CLYBL: variants seen among roughly 807,000 people sequenced by gnomAD.
The protein encoded by CLYBL is citramalyl-CoA lyase, also known as citramalyl-CoA lyase, mitochondrial.
A neutral mutation model predicts 38.9 loss-of-function variants in CLYBL; 31 were observed. That is an observed-to-expected ratio of 0.80 (90% confidence interval 0.60 to 1.08). The LOEUF (loss-of-function observed/expected upper bound fraction) is 1.08, where lower values mean the gene tolerates loss of function less well. Among genes scored for constraint, CLYBL ranks in the 50% least tolerant of loss-of-function variants. The probability of loss-of-function intolerance (pLI) is 0.00; values close to 1 mark genes in which losing one functional copy is unlikely to be tolerated. For synonymous variants in CLYBL, 171 were observed against 158.6 expected (o/e 1.08, Z -0.59); for missense variants, 434 against 411.6 (o/e 1.05, Z -0.47).
intron 2 of CLYBL, among the ~76,000 whole-genome samples, chr13:99,784,172 C>T (rs2049727209): frequency 6.6e-6 from 1 of 152,136 alleles, no homozygotes. Context: ...AACCCATATT[C>T]ATTGGAATTA....
intron 1 of CLYBL, chr13:99,690,363 A>C (rs1328103135): frequency 6.6e-6 from 1 of 152,206 alleles, no homozygotes; most frequent in Non-Finnish European, 1.5e-5. Flanking sequence ...GAACCTTAAA[A>C]AAGGAACATA....
intron 1 of CLYBL, among the ~76,000 whole-genome samples, chr13:99,620,945 A>G (rs1566590664): frequency 1.3e-5 from 2 of 152,190 alleles, no homozygotes; most frequent in African/African-American, 2.4e-5. Flanking sequence ...GAATATGGGT[A>G]TAGGAGAAGC....
At chr13:99,609,238 G>A (rs1226311873) in intron 1 of CLYBL, among the ~76,000 whole-genome samples, 2 of 131,780 alleles carry the variant, frequency 1.5e-5, no homozygotes, top group African/African-American at 2.8e-5. Flanking sequence ...GTTCAGTGGC[G>A]CAATTTCTGC....
chr13:99,899,892 G>A (rs762433729), downstream of CLYBL, among the ~76,000 whole-genome samples: 21 of 151,970 alleles, frequency 1.4e-4, no homozygotes, highest in Non-Finnish European at 2.4e-4. Flanking sequence ...GCATTTCTAC[G>A]CAGCGAACCC....
In CLYBL at chr13:99,693,263, T is replaced by G. The variant is rs9557281; in HGVS notation, c.63-79561T>G. On this transcript the variant is annotated intron_variant, in intron 1 of 8. Coordinates refer to ENST00000339105, the MANE Select transcript of CLYBL (RefSeq NM_206808.5). ...GAGACAGGGATTATCCTTCTTCATCTTTGTATCCCCCACAGTCCAGCACTC... is the reference window on the plus strand; with the variant it reads ...GAGACAGGGATTATCCTTCTTCATCGTTGTATCCCCCACAGTCCAGCACTC... 6.0e-4 allele frequency among the ~76,000 whole-genome samples: 92 copies of G among 152,282 alleles called. 1 individual carries two copies. The East Asian group carries it at 0.011, about 18-fold the overall frequency.
chr13:99,723,946 T>C (rs1242196231), intron 1 of CLYBL, among the ~76,000 whole-genome samples: 1 of 151,036 alleles, frequency 6.6e-6, no homozygotes, highest in Non-Finnish European at 1.5e-5. Context: ...TTTTCAATTC[T>C]CCTCCGTGTC....
intron 7 of CLYBL, among the ~76,000 whole-genome samples, chr13:99,871,630 TG>T (rs1312192458): frequency 6.6e-6 from 1 of 152,172 alleles, no homozygotes; most frequent in East Asian, 1.9e-4. Context: ...AGTGCATCAT[TG>T]AGCCTCGCGT....
rs368975807 is a variant in CLYBL at position 99,793,033 on chromosome 13, A to AAAACACACACACACACACACAC, written c.249+20024_249+20025insAACACACACACACACACACACA. Among the ~76,000 whole-genome samples the AAAACACACACACACACACACAC allele has an allele frequency of 3.9e-3, 565 of 146,022 alleles. 7 individuals carry two copies. The highest frequency in any genetic ancestry group is 0.021 in the East Asian group (98 of 4,754). ...TCTTCTTGTGCACATGTGCATACAT[A>AAAACACACACACACACACACAC]ACACACACACACACACACACACACA... On this transcript the variant is annotated intron_variant, in intron 2 of 8. Coordinates refer to ENST00000339105, the MANE Select transcript of CLYBL (RefSeq NM_206808.5).
intron 2 of CLYBL, among the ~76,000 whole-genome samples, chr13:99,846,286 A>T (rs1010001415): frequency 2.8e-5 from 3 of 108,152 alleles, no homozygotes; most frequent in Non-Finnish European, 5.6e-5. Flanking sequence ...TTGTGTGGAG[A>T]TTTTTTTTTT....
intron 7 of CLYBL, among the ~76,000 whole-genome samples, chr13:99,874,251 A>C (rs920182632): frequency 1.3e-5 from 2 of 152,252 alleles, no homozygotes; most frequent in African/African-American, 4.8e-5. Context: ...TAAGGTTTCC[A>C]TCCACAATAT....
chr13:99,694,214 C>T (rs1169960146), intron 1 of CLYBL, among the ~76,000 whole-genome samples: 5 of 152,098 alleles, frequency 3.3e-5, no homozygotes, highest in African/African-American at 1.2e-4. Context: ...GTCCTGCACC[C>T]CCTACACAAA....
intron 2 of CLYBL, among the ~76,000 whole-genome samples, chr13:99,834,394 C>T (rs2050888122): frequency 6.6e-6 from 1 of 152,112 alleles, no homozygotes; most frequent in Non-Finnish European, 1.5e-5. Flanking sequence ...ATATAGGGGG[C>T]TTATGAGAGA....
chr13:99,609,169 G>GTTTT lies in CLYBL; in HGVS notation c.62+2435_62+2438dup, dbSNP rs58873910. ...GGACAATGTCAATTGACCTGTCTTT[G>GTTTT]TTTTTTTTTTTTTTTTTTTTTTTTT... On this transcript the variant is annotated intron_variant, in intron 1 of 8. Transcript: ENST00000339105. Among the ~76,000 whole-genome samples the GTTTT allele has an allele frequency of 3.7e-4, 17 of 45,788 alleles. 3 individuals are homozygous for GTTTT. The East Asian group carries it at 7.3e-3, about 20-fold the overall frequency. The allele number at this position is 45,788 out of a possible 152,430, so 30.0% of individuals were successfully genotyped here. A position where few individuals can be genotyped will look rare whatever the true frequency, so the allele number is the denominator to read the frequency against.
chr13:99,679,189 G>A (rs1428545684), intron 1 of CLYBL, among the ~76,000 whole-genome samples: 1 of 151,736 alleles, frequency 6.6e-6, no homozygotes, highest in East Asian at 1.9e-4. Flanking sequence ...AGCTACTTGG[G>A]AGGCTGAGGC....
downstream of CLYBL, among the ~76,000 whole-genome samples, chr13:99,898,874 G>A (rs1396776514): frequency 6.6e-6 from 1 of 152,160 alleles, no homozygotes; most frequent in African/African-American, 2.4e-5. Context: ...CCAAAAAATA[G>A]TGTGGATGCC....
chr13:99,771,288 C>A (rs532872793), intron 1 of CLYBL, among the ~76,000 whole-genome samples: 1 of 152,238 alleles, frequency 6.6e-6, no homozygotes, highest in East Asian at 1.9e-4. Flanking sequence ...CTCAAGTGAT[C>A]TGCCTGCCTT....
chr13:99,739,873 C>G (rs920313855), intron 1 of CLYBL, among the ~76,000 whole-genome samples: 1 of 151,976 alleles, frequency 6.6e-6, no homozygotes, highest in Non-Finnish European at 1.5e-5. Flanking sequence ...ACTTGGGAGG[C>G]TGAGGCAGAA....
chr13:99,702,193 C>T (rs946841878), intron 1 of CLYBL, among the ~76,000 whole-genome samples: 2 of 152,108 alleles, frequency 1.3e-5, no homozygotes, highest in East Asian at 1.9e-4. Flanking sequence ...ACTGCAGCCT[C>T]GAGCTCCTGG....
intron 1 of CLYBL, among the ~76,000 whole-genome samples, chr13:99,706,905 C>G (rs1457139877): frequency 6.6e-6 from 1 of 152,174 alleles, no homozygotes; most frequent in Non-Finnish European, 1.5e-5. Context: ...TGGGCTGAAG[C>G]CATCCTCAAG....
Sources: allele counts gnomAD v4.1 joint callset (sites outside exome capture counted in the v4.1 genomes callset), GRCh38; gene constraint gnomAD v4.1.1; transcripts MANE v1.5; gene names NCBI Gene and HGNC (gene_info 2026-07-23, HGNC 2026-07-21).